PALM2AKAP2: variants seen among roughly 807,000 people sequenced by gnomAD.
PALM2AKAP2 encodes PALM2 and AKAP2 fusion.
Under a neutral mutation model 71.5 loss-of-function variants are expected in PALM2AKAP2, and 37 were observed. That is an observed-to-expected ratio of 0.52 (90% CI 0.40 to 0.68). PALM2AKAP2 has a LOEUF of 0.68. Ranked by LOEUF, PALM2AKAP2 falls within the 30% of genes least tolerant of loss-of-function variation. The pLI is 0.00. For missense variants in PALM2AKAP2, 1,224 were observed against 1,191.8 expected (o/e 1.03, Z -0.40); for synonymous variants, 468 against 478.8 (o/e 0.98, Z 0.29).
At chr9:110,097,962 C>T (rs1292848560) in intron 1 of PALM2AKAP2, among the ~76,000 whole-genome samples, 1 of 143,292 alleles carries the variant, frequency 7.0e-6, no homozygotes, top group African/African-American at 2.9e-5. Flanking sequence ...AGCTGGAGAC[C>T]AGCCCGGCCA....
In PALM2AKAP2 at chr9:110,137,090, C is replaced by T; in HGVS notation, c.1120C>T (p.Gln374Ter). ...ACAGTTGCTGCTGCAGAAGCAGTTA[C>T]AGCAGCAGCAGCAGCAGCCCCCATC... Residue 374 changes from glutamine to a stop codon, truncating the protein, a stop_gained, in exon 2 of 4, where the codon CAG becomes TAG. Coordinates refer to ENST00000374525, the Ensembl canonical transcript of PALM2AKAP2. LOFTEE classifies it high-confidence loss of function. The T allele has an allele frequency of 1.1e-6, 1 of 898,724 alleles. No homozygotes were observed. Among genetic ancestry groups the T allele is most frequent in the Non-Finnish European group, 1.6e-6 (1 of 608,352 alleles). The allele number at this position is 898,724 out of a possible 1,614,324, so 55.7% of individuals were successfully genotyped here. A position where few individuals can be genotyped will look rare whatever the true frequency, so the allele number is the denominator to read the frequency against.
intron 1 of PALM2AKAP2, among the ~76,000 whole-genome samples, chr9:110,077,255 C>T (rs893349392): frequency 6.6e-6 from 1 of 152,118 alleles, no homozygotes; most frequent in East Asian, 1.9e-4. Context: ...TAGGGCGATA[C>T]CCTATTAGAT....
intron 6 of PALM2AKAP2, among the ~76,000 whole-genome samples, chr9:110,002,701 A>C (rs1402651907): frequency 2.0e-5 from 3 of 152,150 alleles, no homozygotes; most frequent in African/African-American, 7.2e-5. Flanking sequence ...TATTGCCTCA[A>C]TTTCAGAGCC....
intron 3 of PALM2AKAP2, among the ~76,000 whole-genome samples, chr9:109,894,847 C>T (rs1024802415): frequency 1.3e-5 from 2 of 152,142 alleles, no homozygotes; most frequent in Non-Finnish European, 2.9e-5. Flanking sequence ...AACTCCTAGG[C>T]TCAAGCAATC....
At chr9:110,022,185 C>G (rs1833084786) in intron 7 of PALM2AKAP2, among the ~76,000 whole-genome samples, 1 of 152,206 alleles carries the variant, frequency 6.6e-6, no homozygotes. Context: ...TGTACCCATT[C>G]TTGCCCTCTT....
intron 1 of PALM2AKAP2, among the ~76,000 whole-genome samples, chr9:109,816,569 G>A (rs892960317): frequency 3.3e-5 from 5 of 152,166 alleles, no homozygotes; most frequent in African/African-American, 9.6e-5. Context: ...AGATCGTTGA[G>A]GAGAGTGAAG....
intron 1 of PALM2AKAP2, among the ~76,000 whole-genome samples, chr9:109,753,495 C>T (rs1458775731): frequency 6.6e-6 from 1 of 152,156 alleles, no homozygotes; most frequent in Non-Finnish European, 1.5e-5. Flanking sequence ...TGTGACAAAA[C>T]AGGCTTTTCT....
chr9:109,956,293 C>T (rs752456245), intron 6 of PALM2AKAP2, among the ~76,000 whole-genome samples: 5 of 152,204 alleles, frequency 3.3e-5, no homozygotes, highest in East Asian at 3.9e-4. Flanking sequence ...GTGTGTGCCA[C>T]CGCATCTGGC....
intron 1 of PALM2AKAP2, among the ~76,000 whole-genome samples, chr9:109,654,956 T>C (rs2132235874): frequency 1.3e-5 from 2 of 152,290 alleles, no homozygotes; most frequent in Middle Eastern, 6.8e-3. Flanking sequence ...GCTTTGGCAC[T>C]TGTTACTCTC....
upstream of PALM2AKAP2, among the ~76,000 whole-genome samples, chr9:110,045,371 C>T (rs1338007165): frequency 6.6e-6 from 1 of 152,092 alleles, no homozygotes; most frequent in Non-Finnish European, 1.5e-5. Context: ...CTCTAATAAT[C>T]ATTATTATGT....
At chr9:109,643,940 A>G (rs1827110675) in intron 1 of PALM2AKAP2, among the ~76,000 whole-genome samples, 1 of 152,216 alleles carries the variant, frequency 6.6e-6, no homozygotes, top group South Asian at 2.1e-4. Flanking sequence ...GTCATGGAGA[A>G]AGGTGAAGCA....
At chr9:110,097,580 G>C (rs955424516) in intron 1 of PALM2AKAP2, among the ~76,000 whole-genome samples, 1 of 150,190 alleles carries the variant, frequency 6.7e-6, no homozygotes, top group Non-Finnish European at 1.5e-5. Flanking sequence ...GGGCAGAGAC[G>C]CTCCTCACTT....
chr9:110,035,724 GGATATGTTGTGTGTTATATA>G (rs1833389928), intron 7 of PALM2AKAP2, among the ~76,000 whole-genome samples: 1 of 96,516 alleles, frequency 1.0e-5, no homozygotes, highest in African/African-American at 3.8e-5. Context: ...AACATATATA[GGATATGTTGTGTGTTATATA>G]TAACATATAT....
intron 1 of PALM2AKAP2, among the ~76,000 whole-genome samples, chr9:109,826,000 G>A (rs575646638): frequency 2.0e-5 from 3 of 152,332 alleles, no homozygotes; most frequent in Admixed American, 6.5e-5. Context: ...TTAAGAAAAT[G>A]TGGCACATAT....
intron 1 of PALM2AKAP2, among the ~76,000 whole-genome samples, chr9:109,842,431 G>A (rs1232257238): frequency 6.6e-6 from 1 of 152,202 alleles, no homozygotes; most frequent in Non-Finnish European, 1.5e-5. Context: ...CCTTTGTGAT[G>A]TTTGATTGCA....
chr9:109,718,160 A>T (rs1018260511), intron 1 of PALM2AKAP2, among the ~76,000 whole-genome samples: 3 of 152,090 alleles, frequency 2.0e-5, no homozygotes, highest in African/African-American at 4.8e-5. Flanking sequence ...GGCTCACTGC[A>T]GCCTCAACTT....
At chr9:110,003,774 C>G (rs1832725320) in intron 6 of PALM2AKAP2, among the ~76,000 whole-genome samples, 1 of 152,104 alleles carries the variant, frequency 6.6e-6, no homozygotes. Context: ...ATCCCTTTAC[C>G]ATTATATAAT....
At chr9:109,694,188 A>G (rs1487441760) in intron 1 of PALM2AKAP2, among the ~76,000 whole-genome samples, 1 of 152,074 alleles carries the variant, frequency 6.6e-6, no homozygotes, top group Admixed American at 6.6e-5. Flanking sequence ...TGTATATACT[A>G]GAAGTTATGT....
chr9:110,012,861 A>G (rs1832909722), intron 6 of PALM2AKAP2, among the ~76,000 whole-genome samples: 1 of 152,254 alleles, frequency 6.6e-6, no homozygotes, highest in African/African-American at 2.4e-5. Context: ...TAGAGATGAT[A>G]GAGATGAAAA....
Sources: allele counts gnomAD v4.1 joint callset (sites outside exome capture counted in the v4.1 genomes callset), GRCh38; gene constraint gnomAD v4.1.1; transcripts MANE v1.5; gene names NCBI Gene and HGNC (gene_info 2026-07-23, HGNC 2026-07-21).